Variants in CPNE4 observed in about 807,000 individuals in gnomAD.
The protein encoded by CPNE4 is copine 4.
In CPNE4, 25 loss-of-function variants were observed where a neutral mutation model predicts 67.9. That is an observed-to-expected ratio of 0.37 (90% CI 0.27 to 0.51). The LOEUF is 0.51. Ranked by LOEUF, CPNE4 falls within the 20% of genes least tolerant of loss-of-function variation. The probability of loss-of-function intolerance (pLI) is 0.93; values close to 1 mark genes in which losing one functional copy is unlikely to be tolerated. For missense variants in CPNE4, 464 were observed against 690.8 expected (o/e 0.67, Z 3.68); for synonymous variants, 242 against 244.9 (o/e 0.99, Z 0.11).
intron 2 of CPNE4, among the ~76,000 whole-genome samples, chr3:131,890,536 C>T (rs543179385): frequency 2.0e-5 from 3 of 151,758 alleles, no homozygotes; most frequent in Non-Finnish European, 2.9e-5. Flanking sequence ...AACAGTATGG[C>T]GGTTCCTCAA....
At chr3:131,806,316 C>T (rs529715302) in intron 2 of CPNE4, among the ~76,000 whole-genome samples, 20 of 152,132 alleles carry the variant, frequency 1.3e-4, no homozygotes, top group South Asian at 6.2e-4. Flanking sequence ...TTTGGGAGCC[C>T]GAGGCGGGTA....
At chr3:131,604,271 T>C (rs897418672) in intron 7 of CPNE4, among the ~76,000 whole-genome samples, 2 of 152,174 alleles carry the variant, frequency 1.3e-5, no homozygotes, top group East Asian at 1.9e-4. Context: ...ACTTTTAAAA[T>C]TGCAAAATCC....
In CPNE4 at chr3:131,774,690, C is replaced by T. The variant is rs148775618; in HGVS notation, c.181-51065G>A. ...CTCTTTGGTGCTTCAGGGTCTTCTA[C>T]CAAGAACTAGAGGAAAGCTAAGCTG... On this transcript the variant is annotated intron_variant, in intron 2 of 15. Transcript: ENST00000429747. Among the ~76,000 whole-genome samples, 560 of 152,160 alleles carry T rather than the reference C, an allele frequency of 3.7e-3. 5 individuals carry two copies. Among genetic ancestry groups the T allele is most frequent in the African/African-American group, 0.013 (525 of 41,530 alleles).
At chr3:131,887,500 G>A (rs182317025) in intron 2 of CPNE4, among the ~76,000 whole-genome samples, 1 of 152,300 alleles carries the variant, frequency 6.6e-6, no homozygotes, top group East Asian at 1.9e-4. Flanking sequence ...ACTGACCTCA[G>A]TAGGCTGTAT....
At chr3:131,869,698 A>G (rs2087113545) in intron 2 of CPNE4, among the ~76,000 whole-genome samples, 2 of 152,160 alleles carry the variant, frequency 1.3e-5, no homozygotes, top group East Asian at 1.9e-4. Context: ...CAGCACAATC[A>G]TAACTACATA....
intron 2 of CPNE4, among the ~76,000 whole-genome samples, chr3:131,817,809 C>G (rs1014137813): frequency 6.6e-6 from 1 of 152,198 alleles, no homozygotes; most frequent in Non-Finnish European, 1.5e-5. Flanking sequence ...AAAAGGGATA[C>G]AGAAAAGTCT....
At chr3:131,657,355 CTCA>C (rs2079997212) in intron 7 of CPNE4, among the ~76,000 whole-genome samples, 1 of 151,920 alleles carries the variant, frequency 6.6e-6, no homozygotes, top group South Asian at 2.1e-4. Context: ...TATTGGTTAC[CTCA>C]TCAATTAATG....
At chr3:131,947,412 G>C (rs550152326) in intron 1 of CPNE4, among the ~76,000 whole-genome samples, 20 of 152,104 alleles carry the variant, frequency 1.3e-4, no homozygotes, top group African/African-American at 4.6e-4. Flanking sequence ...ATAGGCCCCA[G>C]TGTGTGATGT....
intron 2 of CPNE4, among the ~76,000 whole-genome samples, chr3:131,757,570 A>T (rs1452821457): frequency 6.6e-6 from 1 of 152,246 alleles, no homozygotes; most frequent in African/African-American, 2.4e-5. Context: ...TTGCAGCTTG[A>T]CAGTGCAATA....
intron 1 of CPNE4, among the ~76,000 whole-genome samples, chr3:131,940,239 T>C (rs554276532): frequency 6.6e-6 from 1 of 152,152 alleles, no homozygotes; most frequent in Non-Finnish European, 1.5e-5. Context: ...TCATACATAA[T>C]GTATGAATCT....
intron 2 of CPNE4, among the ~76,000 whole-genome samples, chr3:131,872,663 G>C (rs1302200316): frequency 1.3e-5 from 2 of 152,170 alleles, no homozygotes; most frequent in African/African-American, 4.8e-5. Context: ...CATCACGTAA[G>C]ACTAAGTATA....
At chr3:131,982,565 C>T (rs557046529) in intron 1 of CPNE4, among the ~76,000 whole-genome samples, 4 of 152,260 alleles carry the variant, frequency 2.6e-5, no homozygotes, top group South Asian at 2.1e-4. Context: ...TTAGTGTTTA[C>T]GGTTAATGGA....
Position 131,635,357 on chromosome 3 carries a change from A to G in CPNE4, c.681+34318T>C, listed in dbSNP as rs564296480. On this transcript the variant is annotated intron_variant, in intron 7 of 15. Coordinates refer to ENST00000429747, the MANE Select transcript of CPNE4 (RefSeq NM_130808.3). The stretch of plus-strand genomic sequence containing the variant: ...TAAAAAGACTATTCTAGGTTTATCA[A>G]TTTCTAAGTTTTCTAAATACTATTC... Among the ~76,000 whole-genome samples the G allele has an allele frequency of 5.9e-5, 9 of 152,264 alleles. No individual in the cohort carries two copies. In the South Asian group the frequency reaches 8.3e-4, roughly 14 times the overall value.
chr3:131,889,236 AC>A, intron 2 of CPNE4, among the ~76,000 whole-genome samples: 1 of 152,322 alleles, frequency 6.6e-6, no homozygotes, highest in Middle Eastern at 3.4e-3. Context: ...TGAGACATTT[AC>A]AAAAGGTCAC....
intron 1 of CPNE4, among the ~76,000 whole-genome samples, chr3:131,996,080 C>A (rs1445422884): frequency 6.6e-6 from 1 of 152,178 alleles, no homozygotes; most frequent in Non-Finnish European, 1.5e-5. Context: ...GTTGATCAAG[C>A]CAAACCTCAG....
chr3:132,026,786 A>G (rs534769083), intron 1 of CPNE4, among the ~76,000 whole-genome samples: 10 of 152,190 alleles, frequency 6.6e-5, no homozygotes, highest in Admixed American at 2.0e-4. Context: ...GGAAAAAAAC[A>G]TTGAGTGCAT....
At chr3:131,795,272 C>T (rs1371726761) in intron 2 of CPNE4, among the ~76,000 whole-genome samples, 1 of 152,172 alleles carries the variant, frequency 6.6e-6, no homozygotes, top group Non-Finnish European at 1.5e-5. Context: ...GAGGCATAAG[C>T]ATCAAAGCAC....
intron 11 of CPNE4, among the ~76,000 whole-genome samples, chr3:131,558,669 T>C (rs1341709165): frequency 6.6e-6 from 1 of 152,010 alleles, no homozygotes; most frequent in Non-Finnish European, 1.5e-5. Flanking sequence ...CTGTTGAAGA[T>C]TTTGAGATAA....
intron 2 of CPNE4, among the ~76,000 whole-genome samples, chr3:131,816,036 G>T (rs772486796): frequency 6.6e-6 from 1 of 152,160 alleles, no homozygotes; most frequent in Non-Finnish European, 1.5e-5. Context: ...TATGTGCAGG[G>T]GTGAGCAAAG....
Sources: allele counts gnomAD v4.1 joint callset (sites outside exome capture counted in the v4.1 genomes callset), GRCh38; gene constraint gnomAD v4.1.1; transcripts MANE v1.5; gene names NCBI Gene and HGNC (gene_info 2026-07-23, HGNC 2026-07-21).